ATAD2B: variants seen among roughly 807,000 people sequenced by gnomAD.
ATAD2B encodes the protein ATPase family AAA domain containing 2B, also known as ATPase family AAA domain-containing protein 2B.
ATAD2B carries 40 observed loss-of-function variants against 167.6 expected under a neutral mutation model. That is an observed-to-expected ratio of 0.24 (90% CI 0.19 to 0.31). The LOEUF (loss-of-function observed/expected upper bound fraction) is 0.31. Among genes scored for constraint, ATAD2B ranks in the 10% least tolerant of loss-of-function variants. The probability of loss-of-function intolerance (pLI) is 1.00; values close to 1 mark genes in which losing one functional copy is unlikely to be tolerated. For missense variants in ATAD2B, 1,242 were observed against 1,757.2 expected, an observed-to-expected ratio of 0.71 and a Z score of 5.24; for synonymous variants, 579 against 596.5, an observed-to-expected ratio of 0.97 and a Z score of 0.43.
In ATAD2B at chr2:23,783,012, T is replaced by G; in HGVS notation, c.2990A>C (p.Glu997Ala). 6.5e-7 allele frequency: 1 copy of G among 1,528,228 alleles called. No homozygotes were observed. Among genetic ancestry groups the G allele is most frequent in the Non-Finnish European group, 9.0e-7 (1 of 1,112,914 alleles). The allele number at this position is 1,528,228 out of a possible 1,614,324, so 94.7% of individuals were successfully genotyped here. A position where few individuals can be genotyped will look rare whatever the true frequency, so the allele number is the denominator to read the frequency against. Residue 997 changes from glutamate to alanine, a missense_variant, in exon 22 of 28, where the codon GAA (glutamate) becomes GCA (alanine). Around this residue, in one of 9 missense-constraint regions of ATAD2B, gnomAD observed 204 missense variants for 324.0 expected, o/e 0.63. Transcript: ENST00000238789. ...VDIEEVSDYL[E>A]VIKEPMDLST... The stretch of plus-strand genomic sequence containing the variant: ...TAAGTCCATTGGTTCCTTGATTACT[T>G]CAAGATAATCTGAAACCTAAAACAG...
chr2:23,734,012 G>A, the ATAD2B span, among the ~76,000 whole-genome samples: 1 of 151,934 alleles, frequency 6.6e-6, no homozygotes, highest in Non-Finnish European at 1.5e-5. Context: ...GATTTTTATT[G>A]CATTCTTTCA....
intron 7 of ATAD2B, among the ~76,000 whole-genome samples, chr2:23,877,067 CAAAAAAAA>C (rs36018928): frequency 9.2e-6 from 1 of 109,130 alleles, no homozygotes; most frequent in Non-Finnish European, 1.8e-5. Flanking sequence ...AACTCCATCT[CAAAAAAAA>C]AAAAAAAAAG....
intron 18 of ATAD2B, among the ~76,000 whole-genome samples, chr2:23,809,826 A>C (rs1351397271): frequency 6.6e-6 from 1 of 152,206 alleles, no homozygotes; most frequent in African/African-American, 2.4e-5. Flanking sequence ...TTCACAAACC[A>C]GTAAATACAA....
intron 8 of ATAD2B, chr2:23,872,637 G>T: frequency 7.4e-7 from 1 of 1,345,590 alleles, no homozygotes; most frequent in Non-Finnish European, 1.1e-6. Context: ...GGCTCCATCG[G>T]AGGTGGTGGA....
At chr2:23,745,465 G>GGAAGGGAAGGAAGGA (rs1353559029), downstream of ATAD2B, among the ~76,000 whole-genome samples, 35 of 150,570 alleles carry the variant, frequency 2.3e-4, no homozygotes, top group Non-Finnish European at 4.1e-4. Context: ...GGAAGGAAAG[G>GGAAGGGAAGGAAGGA]AAGGAAGGAA....
rs1170152513 is a variant in ATAD2B, at chr2:23,926,784, G to A, written c.-14C>T. 2.6e-6 allele frequency: 4 copies of A among 1,511,966 alleles called. No homozygotes were observed. Among genetic ancestry groups the A allele is most frequent in the Non-Finnish European group, 2.7e-6 (3 of 1,128,034 alleles). The allele number at this position is 1,511,966 out of a possible 1,614,324, so 93.7% of individuals were successfully genotyped here. ...GGTGTTCACCATGGTCCAGCCAGGG[G>A]GACGGAGTCCACGCCGCGCCCGGGA... On this transcript the variant is annotated 5_prime_UTR_variant, in exon 1 of 28. Transcript: ENST00000238789.
At chr2:23,872,508 C>T in intron 8 of ATAD2B, 1 of 813,912 alleles carries the variant, frequency 1.2e-6, no homozygotes, top group South Asian at 1.4e-5. Flanking sequence ...TTTCTTCATT[C>T]CAAAACGGCA....
At chr2:23,693,321 C>T in the ATAD2B span, 3 of 1,550,810 alleles carry the variant, frequency 1.9e-6, no homozygotes, top group Non-Finnish European at 2.6e-6. Context: ...TGGCCGAGGC[C>T]ATGCAGTGCA....
At chr2:23,800,322 G>C (rs2149472186) in intron 18 of ATAD2B, among the ~76,000 whole-genome samples, 1 of 152,316 alleles carries the variant, frequency 6.6e-6, no homozygotes, top group Middle Eastern at 3.4e-3. Flanking sequence ...CAGGGTATGA[G>C]AGAGATAGGA....
chr2:23,738,521 C>T, the ATAD2B span, among the ~76,000 whole-genome samples: 2 of 151,920 alleles, frequency 1.3e-5, no homozygotes, highest in African/African-American at 2.4e-5. Flanking sequence ...TCACCACCAG[C>T]CCTGCCCTAA....
intron 2 of ATAD2B, among the ~76,000 whole-genome samples, chr2:23,895,600 T>C (rs1700058769): frequency 6.6e-6 from 1 of 152,140 alleles, no homozygotes; most frequent in African/African-American, 2.4e-5. Flanking sequence ...ATCCTTATTG[T>C]TTTACTTATG....
intron 1 of ATAD2B, among the ~76,000 whole-genome samples, chr2:23,897,674 A>C (rs1360249730): frequency 6.6e-6 from 1 of 152,170 alleles, no homozygotes; most frequent in Non-Finnish European, 1.5e-5. Flanking sequence ...AGCTAATGTG[A>C]GCCCCTTCAA....
At chr2:23,896,240 G>A (rs908870857) in intron 1 of ATAD2B, among the ~76,000 whole-genome samples, 2 of 150,994 alleles carry the variant, frequency 1.3e-5, no homozygotes, top group African/African-American at 2.4e-5. Flanking sequence ...CAAGAGAATC[G>A]CTTGAACCCA....
intron 18 of ATAD2B, among the ~76,000 whole-genome samples, chr2:23,799,588 AAG>A (rs1572803851): frequency 1.4e-5 from 2 of 145,696 alleles, no homozygotes; most frequent in African/African-American, 2.7e-5. Context: ...AAAAAAAAAA[AAG>A]AAAAGAAAAA....
the ATAD2B span, among the ~76,000 whole-genome samples, chr2:23,710,314 C>T: frequency 6.6e-6 from 1 of 152,056 alleles, no homozygotes; most frequent in Non-Finnish European, 1.5e-5. Flanking sequence ...AACAAACATA[C>T]AACAAAAAAG....
chr2:23,888,040 A>AT, intron 3 of ATAD2B, 55 bp from the exon 4 acceptor site: 1 of 1,304,282 alleles, frequency 7.7e-7, no homozygotes, highest in Non-Finnish European at 9.9e-7. Context: ...AAGACAGAAA[A>AT]GAAAAAAAAA....
At chr2:23,696,241 G>A in the ATAD2B span, 45 of 1,485,392 alleles carry the variant, frequency 3.0e-5, 1 homozygote, top group South Asian at 6.3e-5. This position sits in a 1 kb window ranked among gnomAD's most constrained non-coding sequence, Gnocchi z 5.5. Flanking sequence ...TACTTTGCAG[G>A]TGAAGCCTTC....
chr2:23,701,107 A>G, the ATAD2B span, among the ~76,000 whole-genome samples: 1 of 151,390 alleles, frequency 6.6e-6, no homozygotes, highest in African/African-American at 2.4e-5. Context: ...AACTGAAATC[A>G]CCCTCCTCCC....
chr2:23,714,239 CTT>C, the ATAD2B span, among the ~76,000 whole-genome samples: 45 of 136,416 alleles, frequency 3.3e-4, no homozygotes, highest in Admixed American at 3.7e-4. Flanking sequence ...TCTCAAAATA[CTT>C]TTTTTTTTTT....
Sources: gnomAD v4.1 joint callset for allele counts (sites outside exome capture counted in the v4.1 genomes callset) on GRCh38, gnomAD v4.1.1 for gene constraint, gnomAD v4.1.1 regional missense constraint, Gnocchi (gnomAD v3.1) non-coding constraint, MANE v1.5 for transcripts, NCBI Gene and HGNC (gene_info 2026-07-23, HGNC 2026-07-21) for gene names.